SLC9A9: variants seen among roughly 807,000 people sequenced by gnomAD.
The protein encoded by SLC9A9 is sodium/hydrogen exchanger 9.
In SLC9A9, 62 loss-of-function variants were observed where a neutral mutation model predicts 77.8. The ratio of observed to expected loss-of-function variants is 0.80; its 90% CI spans 0.65 to 0.98. The LOEUF (loss-of-function observed/expected upper bound fraction) is 0.98, where lower values mean the gene tolerates loss of function less well. Ranked by LOEUF, SLC9A9 falls within the 50% of genes least tolerant of loss-of-function variation. SLC9A9 has a pLI of 0.00. For missense variants in SLC9A9, 775 were observed against 774.9 expected (o/e 1.00, Z 0.00); for synonymous variants, 320 against 283.5 (o/e 1.13, Z -1.29).
At chr3:143,775,783 C>A (rs2007668828) in intron 4 of SLC9A9, among the ~76,000 whole-genome samples, 1 of 152,176 alleles carries the variant, frequency 6.6e-6, no homozygotes, top group Non-Finnish European at 1.5e-5. Context: ...AATAATTTTA[C>A]CAAAATGGCT....
intron 13 of SLC9A9, among the ~76,000 whole-genome samples, chr3:143,371,554 T>C (rs1431940130): frequency 1.3e-5 from 2 of 152,042 alleles, no homozygotes; most frequent in Non-Finnish European, 2.9e-5. Flanking sequence ...AGGTAACCTA[T>C]AGAAACAGAA....
intron 8 of SLC9A9, among the ~76,000 whole-genome samples, chr3:143,562,771 T>G (rs1309374715): frequency 1.3e-5 from 2 of 151,770 alleles, no homozygotes; most frequent in East Asian, 3.9e-4. Context: ...CAACTCTTAC[T>G]TTACATGTCC....
chr3:143,667,134 A>T (rs2039082421), intron 5 of SLC9A9, among the ~76,000 whole-genome samples: 1 of 152,204 alleles, frequency 6.6e-6, no homozygotes, highest in Non-Finnish European at 1.5e-5. Context: ...CAAAACAGAG[A>T]TATAGACCAA....
At chr3:143,801,367 C>T (rs964156684) in intron 2 of SLC9A9, among the ~76,000 whole-genome samples, 2 of 152,228 alleles carry the variant, frequency 1.3e-5, no homozygotes, top group African/African-American at 4.8e-5. Context: ...ACACTATGCT[C>T]AACTCACTGT....
intron 12 of SLC9A9, among the ~76,000 whole-genome samples, chr3:143,389,263 GA>G (rs1299782010): frequency 6.7e-6 from 1 of 150,238 alleles, no homozygotes; most frequent in Non-Finnish European, 1.5e-5. Context: ...GGAGAGAAAA[GA>G]AAAAAAAAGA....
chr3:143,279,440 T>C (rs111735720), intron 14 of SLC9A9, among the ~76,000 whole-genome samples: 3,187 of 152,304 alleles, frequency 0.021, 115 homozygotes, highest in African/African-American at 0.07. Context: ...TATTACACTT[T>C]AAGTTCTGGG....
intron 2 of SLC9A9, among the ~76,000 whole-genome samples, chr3:143,831,430 A>T (rs149753732): frequency 2.0e-5 from 3 of 152,350 alleles, no homozygotes; most frequent in Admixed American, 6.5e-5. Flanking sequence ...TATTTTTAAA[A>T]GATGACTCAT....
chr3:143,671,464 C>T (rs1338742028), intron 5 of SLC9A9, among the ~76,000 whole-genome samples: 1 of 152,108 alleles, frequency 6.6e-6, no homozygotes, highest in Non-Finnish European at 1.5e-5. Context: ...AATTATTTCA[C>T]CTAAGAAATG....
Position 143,294,099 on chromosome 3 carries a change from TA to T in SLC9A9, c.1605-25120del, listed in dbSNP as rs1025270929. On this transcript the variant is annotated intron_variant, in intron 14 of 15. Coordinates refer to ENST00000316549, the MANE Select transcript of SLC9A9 (RefSeq NM_173653.4). ...ATAAAGTAAATTACAAAAAGTTGGA[TA>T]AAAAAATCAATGGACTATTATTTAG... Among the ~76,000 whole-genome samples the T allele has an allele frequency of 3.3e-5, 5 of 152,202 alleles. No homozygotes were observed. In the East Asian group the frequency reaches 9.6e-4, roughly 29 times the overall value.
intron 12 of SLC9A9, among the ~76,000 whole-genome samples, chr3:143,440,096 A>C (rs530104250): frequency 6.6e-6 from 1 of 152,340 alleles, no homozygotes; most frequent in African/African-American, 2.4e-5. Context: ...GGAAAGGGAC[A>C]GTTAAGAAAG....
intron 12 of SLC9A9, among the ~76,000 whole-genome samples, chr3:143,459,182 A>G (rs1379835349): frequency 6.6e-6 from 1 of 151,944 alleles, no homozygotes; most frequent in African/African-American, 2.4e-5. Flanking sequence ...CATGGTTACA[A>G]TAGCTGCTTT....
intron 7 of SLC9A9, among the ~76,000 whole-genome samples, chr3:143,574,444 T>C (rs906800892): frequency 6.6e-6 from 1 of 152,192 alleles, no homozygotes; most frequent in African/African-American, 2.4e-5. Flanking sequence ...GGTGTCTTCC[T>C]AAGACTATAA....
At chr3:143,609,570 A>C (rs1449668897) in intron 6 of SLC9A9, among the ~76,000 whole-genome samples, 1 of 152,162 alleles carries the variant, frequency 6.6e-6, no homozygotes, top group Non-Finnish European at 1.5e-5. Context: ...TAAAGTGAAA[A>C]GTGGAAGACT....
At chr3:143,703,101 TAGAC>T (rs2108790298) in intron 4 of SLC9A9, among the ~76,000 whole-genome samples, 1 of 152,178 alleles carries the variant, frequency 6.6e-6, no homozygotes, top group African/African-American at 2.4e-5. Context: ...AAGAGTGAGA[TAGAC>T]CCCAATACAA....
At chr3:143,681,969 G>C (rs1451481715) in intron 5 of SLC9A9, among the ~76,000 whole-genome samples, 2 of 152,156 alleles carry the variant, frequency 1.3e-5, no homozygotes, top group African/African-American at 4.8e-5. Context: ...AACGTCCACA[G>C]ATTTCCACAA....
chr3:143,370,267 T>C (rs1195985512), intron 13 of SLC9A9, among the ~76,000 whole-genome samples: 1 of 152,208 alleles, frequency 6.6e-6, no homozygotes, highest in African/African-American at 2.4e-5. Flanking sequence ...AGGCCTACAT[T>C]TGCATAGCTC....
At chr3:143,740,732 G>A (rs1026720875) in intron 4 of SLC9A9, among the ~76,000 whole-genome samples, 3 of 152,148 alleles carry the variant, frequency 2.0e-5, no homozygotes, top group African/African-American at 7.2e-5. Context: ...CATTAAAGGG[G>A]ATAGGAGAAA....
intron 5 of SLC9A9, among the ~76,000 whole-genome samples, chr3:143,678,660 C>T (rs913944235): frequency 2.6e-5 from 4 of 152,168 alleles, no homozygotes; most frequent in African/African-American, 7.2e-5. Context: ...TAGGCCAATA[C>T]CACACTGATT....
intron 14 of SLC9A9, among the ~76,000 whole-genome samples, chr3:143,281,548 C>T (rs1216821793): frequency 6.6e-6 from 1 of 152,150 alleles, no homozygotes; most frequent in Non-Finnish European, 1.5e-5. Context: ...CCCTCAGGGT[C>T]CCAACTCTTT....
Sources: gnomAD v4.1 joint callset for allele counts (sites outside exome capture counted in the v4.1 genomes callset) on GRCh38, gnomAD v4.1.1 for gene constraint, MANE v1.5 for transcripts, NCBI Gene and HGNC (gene_info 2026-07-23, HGNC 2026-07-21) for gene names.